The following FRMD4A variants were observed in gnomAD, a reference collection of about 807,000 sequenced individuals.
FRMD4A encodes FERM domain containing 4A, also known as FERM domain-containing protein 4A.
In FRMD4A, 29 loss-of-function variants were observed where a neutral mutation model predicts 129.1. The ratio of observed to expected loss-of-function variants is 0.22; its 90% CI spans 0.17 to 0.31. The LOEUF is 0.31. Among genes scored for constraint, FRMD4A ranks in the 10% least tolerant of loss-of-function variants. The pLI is 1.00. For missense variants in FRMD4A, 1,272 were observed against 1,375.8 expected, an observed-to-expected ratio of 0.92 and a Z score of 1.19; for synonymous variants, 634 against 571.6, an observed-to-expected ratio of 1.11 and a Z score of -1.56.
chr10:13,998,087 T>C (rs1226479892), intron 2 of FRMD4A, among the ~76,000 whole-genome samples: 1 of 152,202 alleles, frequency 6.6e-6, no homozygotes, highest in Non-Finnish European at 1.5e-5. Flanking sequence ...CAGTGCTGGT[T>C]CCACCACATG....
rs115354120 is a variant in FRMD4A at position 13,914,027 on chromosome 10, C to T, written c.46-55115G>A. Among the ~76,000 whole-genome samples the T allele has an allele frequency of 4.5e-3, 679 of 152,278 alleles. 3 individuals are homozygous for T. The highest frequency in any genetic ancestry group is 0.015 in the African/African-American group (631 of 41,550). On this transcript the variant is annotated intron_variant, in intron 2 of 24. Coordinates refer to ENST00000357447, the MANE Select transcript of FRMD4A (RefSeq NM_018027.5). ...ACTGCCTGTGGACCAACACCCCTCT[C>T]CCTCCCTGGAAAGGAAGCAGCTGAG...
At chr10:14,270,957 G>A (rs1845144415) in intron 2 of FRMD4A, among the ~76,000 whole-genome samples, 1 of 152,184 alleles carries the variant, frequency 6.6e-6, no homozygotes. Flanking sequence ...TTGGCTCATG[G>A]TTCTGCAGGC....
At chr10:14,077,348 T>C (rs1005188296) in intron 2 of FRMD4A, among the ~76,000 whole-genome samples, 4 of 152,232 alleles carry the variant, frequency 2.6e-5, no homozygotes, top group African/African-American at 7.2e-5. Flanking sequence ...TGTCACTCGA[T>C]GCCTGTGAAA....
chr10:13,823,527 A>C (rs2093658900), intron 3 of FRMD4A, among the ~76,000 whole-genome samples: 1 of 152,212 alleles, frequency 6.6e-6, no homozygotes, highest in African/African-American at 2.4e-5. Context: ...TGATAAACGA[A>C]GCAACATCTT....
At chr10:13,924,164 G>A (rs117991886) in intron 2 of FRMD4A, among the ~76,000 whole-genome samples, 2 of 152,260 alleles carry the variant, frequency 1.3e-5, no homozygotes, top group Non-Finnish European at 2.9e-5. Flanking sequence ...TGCCCAATGA[G>A]GGAATGGCTA....
intron 2 of FRMD4A, among the ~76,000 whole-genome samples, chr10:14,286,167 T>C (rs1411508839): frequency 1.3e-5 from 2 of 152,228 alleles, no homozygotes; most frequent in Non-Finnish European, 2.9e-5. Context: ...ACTCCGTAAA[T>C]GGATTTGTGT....
intron 3 of FRMD4A, among the ~76,000 whole-genome samples, chr10:13,845,435 T>C (rs191601113): frequency 6.6e-6 from 1 of 152,226 alleles, no homozygotes; most frequent in Non-Finnish European, 1.5e-5. Flanking sequence ...GACTACTCCA[T>C]GAAGCCTTGC....
chr10:13,880,941 C>G (rs750195015), intron 2 of FRMD4A, among the ~76,000 whole-genome samples: 9 of 152,036 alleles, frequency 5.9e-5, no homozygotes, highest in Non-Finnish European at 8.8e-5. Flanking sequence ...GCAAGCTCCC[C>G]AGGGGCAAGA....
At chr10:13,697,586 ACT>A (rs1358759407) in intron 14 of FRMD4A, among the ~76,000 whole-genome samples, 1 of 151,790 alleles carries the variant, frequency 6.6e-6, no homozygotes, top group African/African-American at 2.4e-5. Flanking sequence ...GAGTCCCCAG[ACT>A]CTGGAACATT....
chr10:13,747,419 C>T (rs910346565), intron 9 of FRMD4A, among the ~76,000 whole-genome samples: 1 of 151,350 alleles, frequency 6.6e-6, no homozygotes, highest in Non-Finnish European at 1.5e-5. Flanking sequence ...TGCCTGTAAT[C>T]CCAGCTACTC....
chr10:13,692,140 C>CTTTTTTTTTTTTTTTTTTTTTT lies in FRMD4A; in HGVS notation c.1117+1736_1117+1757dup, dbSNP rs747299123. The stretch of plus-strand genomic sequence containing the variant: ...CTTGAAGCTTATAAAATTTTAGCAG[C>CTTTTTTTTTTTTTTTTTTTTTT]TTTTTTTTTTTTTTTTTTTTTTTTT... On this transcript the variant is annotated intron_variant, in intron 15 of 24. Coordinates refer to ENST00000357447, the MANE Select transcript of FRMD4A (RefSeq NM_018027.5). 3.8e-4 allele frequency: 38 copies of CTTTTTTTTTTTTTTTTTTTTTT among 100,470 alleles called. 19 individuals carry two copies. The highest frequency in any genetic ancestry group is 1.3e-3 in the South Asian group (4 of 3,048). 6.2% of individuals were successfully genotyped at this position (100,470 alleles called of 1,614,324 possible). A position where few individuals can be genotyped will look rare whatever the true frequency, so the allele number is the denominator to read the frequency against.
chr10:13,920,201 G>C (rs1271036932), intron 2 of FRMD4A, among the ~76,000 whole-genome samples: 1 of 152,164 alleles, frequency 6.6e-6, no homozygotes, highest in African/African-American at 2.4e-5. Flanking sequence ...AAACCAGTTA[G>C]ATGGAACAAA....
chr10:13,665,023 C>T (rs541928861), intron 18 of FRMD4A, among the ~76,000 whole-genome samples: 2 of 152,302 alleles, frequency 1.3e-5, no homozygotes, highest in East Asian at 3.9e-4. Flanking sequence ...GCTAGGATTA[C>T]AGGCATGCGC....
chr10:13,895,610 A>G (rs1215736472), intron 2 of FRMD4A, among the ~76,000 whole-genome samples: 4 of 152,198 alleles, frequency 2.6e-5, no homozygotes, highest in Admixed American at 6.5e-5. Flanking sequence ...TGAAATACTA[A>G]CAGAAATAGG....
chr10:14,168,649 A>G (rs865907175), intron 2 of FRMD4A, among the ~76,000 whole-genome samples: 1 of 152,226 alleles, frequency 6.6e-6, no homozygotes, highest in Non-Finnish European at 1.5e-5. Flanking sequence ...ACTTCTTCAC[A>G]TATTCATTCA....
At chr10:14,301,073 T>G (rs928382786) in intron 2 of FRMD4A, among the ~76,000 whole-genome samples, 6 of 152,186 alleles carry the variant, frequency 3.9e-5, no homozygotes, top group Admixed American at 1.3e-4. Flanking sequence ...CCAAGTCCCC[T>G]GTAAAAACTC....
At chr10:13,841,156 T>C (rs2093958872) in intron 3 of FRMD4A, among the ~76,000 whole-genome samples, 1 of 152,156 alleles carries the variant, frequency 6.6e-6, no homozygotes. Context: ...TTACAGTTCA[T>C]GCTTGGGAGT....
chr10:14,212,821 T>A (rs2400045), intron 2 of FRMD4A, among the ~76,000 whole-genome samples: 1 of 152,116 alleles, frequency 6.6e-6, no homozygotes, highest in Non-Finnish European at 1.5e-5. Context: ...GGTATATGTT[T>A]GCTGTATCTT....
intron 14 of FRMD4A, among the ~76,000 whole-genome samples, chr10:13,698,257 G>A (rs2086428107): frequency 1.3e-5 from 2 of 152,204 alleles, no homozygotes; most frequent in Admixed American, 1.3e-4. Context: ...TCTCTCTAGG[G>A]TTGATAAACA....
Sources: gnomAD v4.1 joint callset for allele counts (sites outside exome capture counted in the v4.1 genomes callset) on GRCh38, gnomAD v4.1.1 for gene constraint, MANE v1.5 for transcripts, NCBI Gene and HGNC (gene_info 2026-07-23, HGNC 2026-07-21) for gene names.